CNTN5: variants seen among roughly 807,000 people sequenced by gnomAD.
CNTN5 encodes contactin 5.
In CNTN5, 77 loss-of-function variants were observed where a neutral mutation model predicts 129.1. The observed-to-expected ratio is 0.60, with a 90% CI of 0.50 to 0.72. CNTN5 has a LOEUF of 0.72. CNTN5 is among the 30% of genes least tolerant of loss of function. The pLI, the probability that CNTN5 is intolerant of heterozygous loss-of-function variation, is 0.00. For synonymous variants in CNTN5, 509 were observed against 465.6 expected, an observed-to-expected ratio of 1.09 and a Z score of -1.20; for missense variants, 1,478 against 1,328.8, an observed-to-expected ratio of 1.11 and a Z score of -1.75.
At chr11:100,230,299 T>G (rs576404194) in intron 16 of CNTN5, among the ~76,000 whole-genome samples, 1 of 152,238 alleles carries the variant, frequency 6.6e-6, no homozygotes. Flanking sequence ...TATTATTGTA[T>G]GGGATTATTT....
At chr11:99,916,504 C>A (rs1949793295) in intron 7 of CNTN5, among the ~76,000 whole-genome samples, 1 of 152,036 alleles carries the variant, frequency 6.6e-6, no homozygotes, top group Non-Finnish European at 1.5e-5. Context: ...AACTGAATAC[C>A]AATATGCGTC....
At chr11:99,703,786 T>C (rs1041634438) in intron 3 of CNTN5, among the ~76,000 whole-genome samples, 8 of 151,030 alleles carry the variant, frequency 5.3e-5, no homozygotes, top group African/African-American at 1.9e-4. Context: ...TTAACACAGA[T>C]ATATAGCATT....
intron 3 of CNTN5, among the ~76,000 whole-genome samples, chr11:99,769,934 G>T (rs1273810611): frequency 6.6e-6 from 1 of 152,114 alleles, no homozygotes; most frequent in African/African-American, 2.4e-5. Flanking sequence ...TGTGATACAG[G>T]TTAAGTCTGG....
chr11:100,166,854 T>A (rs1431452212), intron 13 of CNTN5, among the ~76,000 whole-genome samples: 1 of 151,862 alleles, frequency 6.6e-6, no homozygotes, highest in African/African-American at 2.4e-5. Flanking sequence ...ATCAGTTATC[T>A]TAGTTTTAGA....
At chr11:99,728,046 A>G (rs1366550580) in intron 3 of CNTN5, among the ~76,000 whole-genome samples, 1 of 152,224 alleles carries the variant, frequency 6.6e-6, no homozygotes, top group Non-Finnish European at 1.5e-5. Context: ...TTCAAGATCA[A>G]TGGAATCAGA....
intron 3 of CNTN5, among the ~76,000 whole-genome samples, chr11:99,583,912 T>C (rs1949704477): frequency 6.6e-6 from 1 of 152,146 alleles, no homozygotes; most frequent in Admixed American, 6.5e-5. Context: ...ATCTTCTGCA[T>C]GGCTCAAGCT....
chr11:99,448,721 G>T (rs1413309591), intron 2 of CNTN5, among the ~76,000 whole-genome samples: 1 of 142,212 alleles, frequency 7.0e-6, no homozygotes, highest in African/African-American at 2.8e-5. Context: ...GCCTAAAATT[G>T]TACAATTGTT....
intron 1 of CNTN5, among the ~76,000 whole-genome samples, chr11:99,100,742 T>C (rs4285837): frequency 0.78 from 119,227 of 152,018 alleles, 47,119 homozygotes; most frequent in East Asian, 1. Flanking sequence ...TCAAATAAAA[T>C]TTAAACCAAA....
chr11:99,451,581 A>G (rs557302657), intron 2 of CNTN5, among the ~76,000 whole-genome samples: 1 of 152,168 alleles, frequency 6.6e-6, no homozygotes, highest in African/African-American at 2.4e-5. Flanking sequence ...AGTGGAAATT[A>G]TTTTTATATG....
intron 13 of CNTN5, among the ~76,000 whole-genome samples, chr11:100,107,576 A>C (rs1159474392): frequency 6.6e-6 from 1 of 151,626 alleles, no homozygotes; most frequent in African/African-American, 2.4e-5. Flanking sequence ...CATACTGAAA[A>C]CCAATTCTGA....
At chr11:100,341,001 G>A (rs962509468) in intron 22 of CNTN5, 92 bp from the exon 23 acceptor site, 1 of 960,420 alleles carries the variant, frequency 1.0e-6, no homozygotes, top group South Asian at 1.5e-5. Flanking sequence ...CAACTACTAA[G>A]CAGGAGAAAA....
intron 2 of CNTN5, among the ~76,000 whole-genome samples, chr11:99,347,637 G>A (rs1276451157): frequency 6.6e-6 from 1 of 152,248 alleles, no homozygotes; most frequent in East Asian, 1.9e-4. Context: ...AATAAGAAGG[G>A]AGGTTAAGAA....
At chr11:100,345,209 G>A (rs1244360211) in intron 23 of CNTN5, among the ~76,000 whole-genome samples, 1 of 152,158 alleles carries the variant, frequency 6.6e-6, no homozygotes, top group East Asian at 1.9e-4. Context: ...TGTGTCTGAT[G>A]AGGGTCCACT....
intron 21 of CNTN5, chr11:100,337,331 C>A: frequency 1.1e-6 from 1 of 903,390 alleles, no homozygotes; most frequent in Non-Finnish European, 1.9e-6. Flanking sequence ...CATACATATT[C>A]TGGAAGTGAT....
At chr11:99,433,371 ATGTGTGTGTGTGT>A (rs1323643969) in intron 2 of CNTN5, among the ~76,000 whole-genome samples, 13 of 140,840 alleles carry the variant, frequency 9.2e-5, no homozygotes, top group African/African-American at 3.2e-4. Flanking sequence ...TAAAAAAAAA[ATGTGTGTGTGTGT>A]GTGTGTGTGT....
intron 3 of CNTN5, among the ~76,000 whole-genome samples, chr11:99,591,172 A>T (rs1470953976): frequency 2.0e-5 from 3 of 151,938 alleles, no homozygotes; most frequent in African/African-American, 7.2e-5. Context: ...AGGCCCGTGT[A>T]TCTTTTTGAT....
At chr11:99,899,399 A>G (rs1177923356) in intron 6 of CNTN5, among the ~76,000 whole-genome samples, 2 of 151,976 alleles carry the variant, frequency 1.3e-5, no homozygotes, top group Non-Finnish European at 2.9e-5. Flanking sequence ...AGTATGTTCC[A>G]TCTATGCTAG....
chr11:100,241,166 T>C (rs1266937178), intron 16 of CNTN5, among the ~76,000 whole-genome samples: 1 of 152,232 alleles, frequency 6.6e-6, no homozygotes, highest in Non-Finnish European at 1.5e-5. Flanking sequence ...CAGGATAGCA[T>C]CTAGGTTGCG....
chr11:99,847,561 T>C (rs753755960), intron 6 of CNTN5, among the ~76,000 whole-genome samples: 39 of 152,290 alleles, frequency 2.6e-4, no homozygotes, highest in Admixed American at 1.2e-3. Flanking sequence ...ACAAGGTACC[T>C]GGTTAAAGCA....
Sources: allele counts gnomAD v4.1 joint callset (sites outside exome capture counted in the v4.1 genomes callset), GRCh38; gene constraint gnomAD v4.1.1; transcripts MANE v1.5; gene names NCBI Gene and HGNC (gene_info 2026-07-23, HGNC 2026-07-21).